The following SEM1 variants were observed in gnomAD, a reference collection of about 807,000 sequenced individuals.
The protein encoded by SEM1 is 26S proteasome complex subunit SEM1.
Under a neutral mutation model 12.7 loss-of-function variants are expected in SEM1, and 3 were observed. The ratio of observed to expected loss-of-function variants is 0.24; its 90% CI spans 0.11 to 0.61. The LOEUF (loss-of-function observed/expected upper bound fraction) is 0.61, where lower values mean the gene tolerates loss of function less well. Among genes scored for constraint, SEM1 ranks in the 20% least tolerant of loss-of-function variants. The pLI is 0.88. For synonymous variants in SEM1, 30 were observed against 27.8 expected, an observed-to-expected ratio of 1.08 and a Z score of -0.25; for missense variants, 59 against 81.3, an observed-to-expected ratio of 0.73 and a Z score of 1.06.
rs558764620 is a variant in SEM1 at position 96,612,781 on chromosome 7, G to A, written c.170+82017C>T. ...CTCCCCAGTAGCTGGGACTACAGGC[G>A]CCTGCCACCACACCCGGCTAATTTT... On this transcript the variant is annotated intron_variant and NMD_transcript_variant, in intron 2 of 3. Transcript: ENST00000466986. 1.9e-3 allele frequency among the ~76,000 whole-genome samples: 294 copies of A among 152,054 alleles called. 3 individuals carry two copies. Among genetic ancestry groups the A allele is most frequent in the African/African-American group, 6.6e-3 (273 of 41,514 alleles).
chr7:96,533,796 G>A (rs1201270170), intron 2 of SEM1, among the ~76,000 whole-genome samples: 1 of 151,884 alleles, frequency 6.6e-6, no homozygotes, highest in African/African-American at 2.4e-5. Context: ...TTGAACTGAT[G>A]GTTCAAAAGC....
chr7:96,486,193 A>C (rs1802750728), intron 2 of SEM1: 1 of 1,526,472 alleles, frequency 6.6e-7, no homozygotes, highest in Admixed American at 2.0e-5. Context: ...TGTGGCTGTC[A>C]TCTGCTTACC....
At chr7:96,603,888 T>G (rs1807264491) in intron 2 of SEM1, among the ~76,000 whole-genome samples, 1 of 149,374 alleles carries the variant, frequency 6.7e-6, no homozygotes, top group African/African-American at 2.5e-5. Flanking sequence ...CAGGATAGTT[T>G]TTTTTTTTTT....
At chr7:96,572,092 C>T (rs1248563512) in intron 2 of SEM1, among the ~76,000 whole-genome samples, 2 of 152,120 alleles carry the variant, frequency 1.3e-5, no homozygotes, top group Non-Finnish European at 2.9e-5. Flanking sequence ...ATAGTATTCT[C>T]TGATGGTAGT....
intron 2 of SEM1, among the ~76,000 whole-genome samples, chr7:96,590,060 A>AT (rs1185291391): frequency 6.6e-6 from 1 of 152,178 alleles, no homozygotes; most frequent in African/African-American, 2.4e-5. Context: ...ATTATATTTT[A>AT]TTTTTTACCA....
chr7:96,484,897 C>A (rs1166120306), intron 2 of SEM1: 1 of 1,239,760 alleles, frequency 8.1e-7, no homozygotes, highest in East Asian at 5.6e-5. Context: ...TGGAATCCAA[C>A]TTTCTAAATT....
chr7:96,707,708 T>C (rs1253384882), intron 1 of SEM1, among the ~76,000 whole-genome samples: 1 of 152,178 alleles, frequency 6.6e-6, no homozygotes, highest in Non-Finnish European at 1.5e-5. Context: ...GCTGCTCACA[T>C]ATAAACTTAG....
At chr7:96,698,945 G>T (rs1790185525) in intron 1 of SEM1, among the ~76,000 whole-genome samples, 1 of 152,070 alleles carries the variant, frequency 6.6e-6, no homozygotes, top group African/African-American at 2.4e-5. Flanking sequence ...AAATGTATTT[G>T]TTTTTTCTTT....
At chr7:96,592,991 T>G (rs1020667464) in intron 2 of SEM1, among the ~76,000 whole-genome samples, 1 of 124,046 alleles carries the variant, frequency 8.1e-6, no homozygotes, top group Non-Finnish European at 1.6e-5. Context: ...GCTGTAATTC[T>G]CCCATATTAA....
chr7:96,554,591 A>T lies in SEM1; in HGVS notation c.171-47893T>A, dbSNP rs1256523858. Among the ~76,000 whole-genome samples, 209 of 150,396 alleles carry T rather than the reference A, an allele frequency of 1.4e-3. 1 individual carries two copies. Among genetic ancestry groups the T allele is most frequent in the African/African-American group, 4.8e-3 (196 of 40,448 alleles). On this transcript the variant is annotated intron_variant and NMD_transcript_variant, in intron 2 of 3. Coordinates refer to the SEM1 transcript ENST00000466986. ...AGCTTTTTGATGTGCTGCTGGATTC[A>T]TTTTGCCAGTATTTTATTGAGGATT... is the stretch of plus-strand genomic sequence containing the variant.
chr7:96,551,728 AG>A (rs959401297), intron 2 of SEM1, among the ~76,000 whole-genome samples: 7 of 86,092 alleles, frequency 8.1e-5, no homozygotes, highest in African/African-American at 2.3e-4. Context: ...AAAAAAGAAA[AG>A]AAAAAAAAGA....
At chr7:96,535,251 C>A (rs891667734) in intron 2 of SEM1, among the ~76,000 whole-genome samples, 1 of 151,810 alleles carries the variant, frequency 6.6e-6, no homozygotes, top group African/African-American at 2.4e-5. Flanking sequence ...ACCTGTTTTA[C>A]AATGGTCTAG....
chr7:96,497,685 C>CA (rs1267714069), upstream of SEM1, among the ~76,000 whole-genome samples: 1 of 152,004 alleles, frequency 6.6e-6, no homozygotes, highest in Non-Finnish European at 1.5e-5. Context: ...GAAAACTGGA[C>CA]AAAAAATGTG....
chr7:96,482,807 G>A (rs1239581862), exon 4 of SEM1: 1 of 152,192 alleles, frequency 6.6e-6, no homozygotes, highest in Non-Finnish European at 1.5e-5. Flanking sequence ...CCGAGGCACA[G>A]TGTTAGAGGC....
chr7:96,671,427 A>T (rs544315322), downstream of SEM1, among the ~76,000 whole-genome samples: 462 of 152,284 alleles, frequency 3.0e-3, 2 homozygotes, highest in Non-Finnish European at 4.6e-3. Context: ...CTAGATCTAG[A>T]GGTAAAAATG....
At chr7:96,564,473 G>C (rs1472012160) in intron 2 of SEM1, among the ~76,000 whole-genome samples, 2 of 152,046 alleles carry the variant, frequency 1.3e-5, no homozygotes, top group Admixed American at 1.3e-4. Flanking sequence ...GTAGTCATGT[G>C]ACCAGGTTCT....
At chr7:96,603,098 G>A (rs1369967559) in intron 2 of SEM1, among the ~76,000 whole-genome samples, 1 of 152,180 alleles carries the variant, frequency 6.6e-6, no homozygotes, top group African/African-American at 2.4e-5. Context: ...TTGGAAGGTA[G>A]CTCTATGCGT....
At chr7:96,569,789 G>A (rs1805959998) in intron 2 of SEM1, among the ~76,000 whole-genome samples, 2 of 152,030 alleles carry the variant, frequency 1.3e-5, no homozygotes, top group South Asian at 4.1e-4. Context: ...TAGAACATGA[G>A]GTTTTGACTT....
chr7:96,612,216 G>T (rs1807561800), intron 2 of SEM1, among the ~76,000 whole-genome samples: 2 of 152,186 alleles, frequency 1.3e-5, no homozygotes, highest in Admixed American at 1.3e-4. Context: ...TAATAGGCCT[G>T]CCCAGACATT....
Sources: allele counts gnomAD v4.1 joint callset (sites outside exome capture counted in the v4.1 genomes callset), GRCh38; gene constraint gnomAD v4.1.1; transcripts MANE v1.5; gene names NCBI Gene and HGNC (gene_info 2026-07-23, HGNC 2026-07-21).